Variants in LCMT1 observed in about 807,000 individuals in gnomAD.
LCMT1 encodes the protein leucine carboxyl methyltransferase 1, also known as [Phosphatase 2A protein]-leucine-carboxy methyltransferase 1.
Under a neutral mutation model 47.7 loss-of-function variants are expected in LCMT1, and 32 were observed. The ratio of observed to expected loss-of-function variants is 0.67; its 90% CI spans 0.51 to 0.90. The LOEUF (loss-of-function observed/expected upper bound fraction) is 0.90. LCMT1 is among the 40% of genes least tolerant of loss of function. The pLI, the probability that LCMT1 is intolerant of heterozygous loss-of-function variation, is 0.00. For missense variants in LCMT1, 375 were observed against 415.2 expected (o/e 0.90, Z 0.84); for synonymous variants, 152 against 149.7 (o/e 1.02, Z -0.11).
chr16:25,122,499 T>A (rs1411321813), intron 1 of LCMT1, among the ~76,000 whole-genome samples: 2 of 152,110 alleles, frequency 1.3e-5, no homozygotes, highest in African/African-American at 4.8e-5. Flanking sequence ...ATTTTTATTT[T>A]TTTATTTTTT....
intron 1 of LCMT1, among the ~76,000 whole-genome samples, chr16:25,115,489 A>C (rs1037145246): frequency 1.3e-5 from 2 of 152,164 alleles, no homozygotes; most frequent in Non-Finnish European, 2.9e-5. Context: ...ACAGAACCTG[A>C]CTATCCTAGT....
chr16:25,169,242 T>C (rs778967881), intron 8 of LCMT1, 29 bp downstream of exon 8: 1 of 1,444,126 alleles, frequency 6.9e-7, no homozygotes, highest in East Asian at 2.3e-5. Context: ...GGATATCCAT[T>C]TGGACCCTTA....
At position 25,161,178 on chromosome 16, in the gene LCMT1, G is replaced by A; in HGVS notation, c.543G>A (p.Lys181=). The part of the protein sequence containing the change: ...DLRDLSELEE[K]LKKCNMNTQL... ...GAGACCTGTCTGAACTGGAAGAGAA[G>A]CTAAAGAAATGTAACATGAATACAC... The change falls in exon 6 of 11, where the codon AAG becomes AAA. Residue 181 remains lysine (K), a synonymous_variant. Transcript: ENST00000399069. 1 of 1,606,728 alleles carries A rather than the reference G, an allele frequency of 6.2e-7. No individual in the cohort carries two copies. The highest frequency in any genetic ancestry group is 8.5e-7 in the Non-Finnish European group (1 of 1,176,694).
chr16:25,140,116 A>G, intron 3 of LCMT1, 55 bp from the exon 4 acceptor site: 3 of 1,327,596 alleles, frequency 2.3e-6, no homozygotes, highest in Non-Finnish European at 1.1e-6. Context: ...TATGTGGAAG[A>G]TGATCAGCAC....
intron 8 of LCMT1, 114 bp downstream of exon 8, chr16:25,169,327 C>T (rs111254682): frequency 0.012 from 8,099 of 696,916 alleles, 84 homozygotes; most frequent in South Asian, 0.026. Context: ...CTGTCAGCAG[C>T]ACAGGCTGCT....
At chr16:25,118,487 A>G (rs1323572006) in intron 1 of LCMT1, among the ~76,000 whole-genome samples, 1 of 152,114 alleles carries the variant, frequency 6.6e-6, no homozygotes, top group Non-Finnish European at 1.5e-5. Flanking sequence ...AAGTGAGCCA[A>G]ACACAGGATG....
intron 2 of LCMT1, among the ~76,000 whole-genome samples, chr16:25,129,670 A>T (rs563185089): frequency 2.0e-5 from 3 of 152,346 alleles, no homozygotes; most frequent in African/African-American, 7.2e-5. Flanking sequence ...CTTAGAATTT[A>T]CATCAGACTT....
Position 25,111,836 on chromosome 16 carries a change from C to A in LCMT1, c.-48C>A. On this transcript the variant is annotated 5_prime_UTR_variant, in exon 1 of 11. Coordinates refer to ENST00000399069, the MANE Select transcript of LCMT1 (RefSeq NM_016309.3). ...CGCCGTCCCCCGCCGCCCGTCGACC[C>A]CGCTTCCATGTCCCTGGCGGACACA... 1.5e-6 allele frequency: 2 copies of A among 1,351,920 alleles called. No homozygotes were observed. The highest frequency in any genetic ancestry group is 2.1e-6 in the Non-Finnish European group (2 of 956,742). 83.7% of individuals were successfully genotyped at this position (1,351,920 alleles called of 1,614,324 possible).
At chr16:25,126,027 T>A (rs1434412686) in intron 1 of LCMT1, 2 of 1,351,000 alleles carry the variant, frequency 1.5e-6, no homozygotes, top group Admixed American at 3.8e-5. Flanking sequence ...GTGGCAAATC[T>A]TTTCATCTTG....
At chr16:25,133,677 G>A (rs879392435) in intron 3 of LCMT1, among the ~76,000 whole-genome samples, 2 of 149,960 alleles carry the variant, frequency 1.3e-5, no homozygotes, top group African/African-American at 2.4e-5. Context: ...GATTACAGGC[G>A]TGAGCCACCG....
chr16:25,135,804 A>G (rs190254534), intron 3 of LCMT1, among the ~76,000 whole-genome samples: 2 of 152,238 alleles, frequency 1.3e-5, no homozygotes, highest in African/African-American at 4.8e-5. Context: ...AAAAAGGAAT[A>G]AAGGGGCCAG....
chr16:25,142,233 A>T (rs1960716977), intron 4 of LCMT1: 1 of 152,224 alleles, frequency 6.6e-6, no homozygotes, highest in Non-Finnish European at 1.5e-5. Flanking sequence ...CTGTTTTGGC[A>T]TGGGGGAAAA....
At chr16:25,160,478 C>T (rs76901903) in intron 5 of LCMT1, among the ~76,000 whole-genome samples, 63 of 152,314 alleles carry the variant, frequency 4.1e-4, no homozygotes, top group African/African-American at 1.5e-3. Flanking sequence ...TAAAACATAA[C>T]ACAAATTGGC....
Position 25,151,493 on chromosome 16 carries a change from C to T in LCMT1, c.405-61C>T, listed in dbSNP as rs60158478. On this transcript the variant is annotated intron_variant, in intron 4 of 10. Coordinates refer to ENST00000399069, the MANE Select transcript of LCMT1 (RefSeq NM_016309.3). ...TGTCTGCATTTGTGCAGTAAATGAG[C>T]TCATGAGTAAATTGAGGAGCAAATA... The T allele has an allele frequency of 6.9e-4, 931 of 1,350,302 alleles. 7 individuals are homozygous for T. The African/African-American group carries it at 0.012, about 18-fold the overall frequency. 83.6% of individuals were successfully genotyped at this position (1,350,302 alleles called of 1,614,324 possible).
chr16:25,125,407 T>C (rs1370507925), intron 1 of LCMT1, among the ~76,000 whole-genome samples: 7 of 152,222 alleles, frequency 4.6e-5, no homozygotes, highest in South Asian at 4.1e-4. Context: ...TGTGTGGTCA[T>C]TGTGTACGCA....
chr16:25,162,137 AG>A (rs1961450388), intron 6 of LCMT1, among the ~76,000 whole-genome samples: 1 of 152,208 alleles, frequency 6.6e-6, no homozygotes, highest in South Asian at 2.1e-4. Flanking sequence ...CTCCTTGAGA[AG>A]ATCTTGCATA....
intron 5 of LCMT1, among the ~76,000 whole-genome samples, chr16:25,156,016 C>T (rs1386010996): frequency 6.6e-6 from 1 of 152,198 alleles, no homozygotes; most frequent in African/African-American, 2.4e-5. Context: ...TATGATCTAG[C>T]CACACAGATA....
intron 6 of LCMT1, among the ~76,000 whole-genome samples, chr16:25,163,413 G>A (rs1597599898): frequency 6.7e-6 from 1 of 148,690 alleles, no homozygotes. Flanking sequence ...AAGTTGCAGT[G>A]AGCTGAGATC....
chr16:25,124,730 G>A (rs536565068), intron 1 of LCMT1, among the ~76,000 whole-genome samples: 22 of 152,190 alleles, frequency 1.4e-4, no homozygotes, highest in African/African-American at 4.6e-4. Flanking sequence ...TCCAGTTGAC[G>A]CTCGTGGAGA....
Sources: allele counts gnomAD v4.1 joint callset (sites outside exome capture counted in the v4.1 genomes callset), GRCh38; gene constraint gnomAD v4.1.1; transcripts MANE v1.5; gene names NCBI Gene and HGNC (gene_info 2026-07-23, HGNC 2026-07-21).